The following KCNK2 variants were observed in gnomAD, a reference collection of about 807,000 sequenced individuals.
KCNK2 encodes potassium two pore domain channel subfamily K member 2, also known as potassium channel subfamily K member 2.
Under a neutral mutation model 40.5 loss-of-function variants are expected in KCNK2, and 21 were observed. The ratio of observed to expected loss-of-function variants is 0.52; its 90% CI spans 0.37 to 0.75. The LOEUF is 0.75. Among genes scored for constraint, KCNK2 ranks in the 30% least tolerant of loss-of-function variants. The pLI, the probability that KCNK2 is intolerant of heterozygous loss-of-function variation, is 0.00. For missense variants in KCNK2, 399 were observed against 531.6 expected (o/e 0.75, Z 2.45); for synonymous variants, 191 against 202.2 (o/e 0.94, Z 0.47).
rs139786521 is a variant in KCNK2, at chr1:215,051,615, T to G, written c.35-34753T>G. ...ACAAGAGGATGCTTGACCAGAAACC[T>G]GGAGGACATGAAAGAGTGAGTTCTG... On this transcript the variant is annotated intron_variant, in intron 1 of 6. Transcript: ENST00000391895. 3.1e-3 allele frequency among the ~76,000 whole-genome samples: 473 copies of G among 152,240 alleles called. 1 individual carries two copies. Among genetic ancestry groups the G allele is most frequent in the African/African-American group, 0.011 (446 of 41,538 alleles).
Position 215,083,217 on chromosome 1 carries a change from T to G in KCNK2, c.-169T>G, listed in dbSNP as rs1571891812. The G allele has an allele frequency of 1.7e-4, 94 of 556,280 alleles. No individual in the cohort carries two copies. Among genetic ancestry groups the G allele is most frequent in the Middle Eastern group, 5.7e-4 (1 of 1,748 alleles). The allele number at this position is 556,280 out of a possible 1,614,324, so 34.5% of individuals were successfully genotyped here. A position where few individuals can be genotyped will look rare whatever the true frequency, so the allele number is the denominator to read the frequency against. On this transcript the variant is annotated 5_prime_UTR_variant, in exon 1 of 7. Transcript: ENST00000444842. Reference sequence around the variant, plus strand: ...GCTCCCCCCCCCGCCCCCTCCCGCGTCCAGCCCCGCTCTCCCCACCTTGTA... The same window carrying G: ...GCTCCCCCCCCCGCCCCCTCCCGCGGCCAGCCCCGCTCTCCCCACCTTGTA...
chr1:215,081,403 G>A (rs1392170573), upstream of KCNK2, among the ~76,000 whole-genome samples: 1 of 152,076 alleles, frequency 6.6e-6, no homozygotes, highest in African/African-American at 2.4e-5. Context: ...TTTTAGAAAG[G>A]ACATCTGATT....
At chr1:215,087,619 T>C (rs1201547411) in intron 2 of KCNK2, among the ~76,000 whole-genome samples, 1 of 152,242 alleles carries the variant, frequency 6.6e-6, no homozygotes, top group Non-Finnish European at 1.5e-5. Context: ...TGTTTTCCTA[T>C]AGAGCCCACT....
intron 1 of KCNK2, among the ~76,000 whole-genome samples, chr1:215,067,871 A>T (rs1202614256): frequency 6.6e-6 from 1 of 152,120 alleles, no homozygotes; most frequent in Admixed American, 6.6e-5. Flanking sequence ...CATCTCAAAA[A>T]AAAATTACTT....
intron 2 of KCNK2, among the ~76,000 whole-genome samples, chr1:215,115,169 G>A (rs1660874504): frequency 6.6e-6 from 1 of 151,972 alleles, no homozygotes; most frequent in South Asian, 2.1e-4. Context: ...CCTTTCTGTG[G>A]AAACTTGAAT....
upstream of KCNK2, among the ~76,000 whole-genome samples, chr1:215,077,805 T>C (rs1026027478): frequency 6.6e-6 from 1 of 152,136 alleles, no homozygotes; most frequent in African/African-American, 2.4e-5. Context: ...TCATCTCATC[T>C]TCAGAATCTA....
intron 2 of KCNK2, among the ~76,000 whole-genome samples, chr1:215,088,227 T>C (rs1385983817): frequency 6.6e-6 from 1 of 152,192 alleles, no homozygotes; most frequent in Non-Finnish European, 1.5e-5. Context: ...CTCTTGGATA[T>C]CTTGGTGGAG....
chr1:215,179,569 C>A (rs1038443661), intron 5 of KCNK2, among the ~76,000 whole-genome samples: 2 of 151,818 alleles, frequency 1.3e-5, no homozygotes, highest in African/African-American at 4.8e-5. Flanking sequence ...TTTCTGTTTT[C>A]ATTTATCTCA....
intron 3 of KCNK2, among the ~76,000 whole-genome samples, chr1:215,128,444 C>T (rs922591230): frequency 2.0e-5 from 3 of 152,172 alleles, no homozygotes; most frequent in Non-Finnish European, 2.9e-5. Flanking sequence ...GAAGTAAGGA[C>T]GTAGTCCCTG....
At chr1:215,198,022 C>G (rs1199090576) in intron 6 of KCNK2, among the ~76,000 whole-genome samples, 1 of 151,778 alleles carries the variant, frequency 6.6e-6, no homozygotes, top group Non-Finnish European at 1.5e-5. Flanking sequence ...AACAAACAAG[C>G]AAACAAACAA....
At chr1:215,219,843 G>A (rs1666102459) in intron 6 of KCNK2, among the ~76,000 whole-genome samples, 2 of 152,080 alleles carry the variant, frequency 1.3e-5, no homozygotes, top group African/African-American at 4.8e-5. Flanking sequence ...TCTAAGGCTT[G>A]GCCACTGGGA....
At chr1:215,211,294 GCCTTTGCACTGACTGTTCCCT>G (rs1314114483) in intron 6 of KCNK2, among the ~76,000 whole-genome samples, 1 of 152,010 alleles carries the variant, frequency 6.6e-6, no homozygotes, top group Non-Finnish European at 1.5e-5. Context: ...TTGTCCTGCT[GCCTTTGCACTGACTGTTCCCT>G]CTGTCAGCAG....
rs547753358 is a variant in KCNK2, at chr1:215,009,760, A to T, written c.34+3805A>T. ...AGGCCCAACCAATCTGGCACAAAAAAAAGATATAGTATAATTGAGTACAGA... is the reference window on the plus strand; with the variant it reads ...AGGCCCAACCAATCTGGCACAAAAATAAGATATAGTATAATTGAGTACAGA... On this transcript the variant is annotated intron_variant, in intron 1 of 6. Transcript: ENST00000391895. 5.3e-5 allele frequency among the ~76,000 whole-genome samples: 8 copies of T among 152,262 alleles called. No homozygotes were observed. In the South Asian group the frequency reaches 1.7e-3, roughly 32 times the overall value.
chr1:215,225,908 T>A (rs1263777580), intron 6 of KCNK2, among the ~76,000 whole-genome samples: 1 of 152,196 alleles, frequency 6.6e-6, no homozygotes. Context: ...CTGGAGTCAA[T>A]GGAGTAATAA....
chr1:215,020,268 A>T (rs1232962152), intron 1 of KCNK2, among the ~76,000 whole-genome samples: 1 of 152,198 alleles, frequency 6.6e-6, no homozygotes, highest in East Asian at 1.9e-4. Context: ...AATAGTATTA[A>T]TAATCAAAGA....
intron 6 of KCNK2, among the ~76,000 whole-genome samples, chr1:215,218,859 T>G (rs1666059243): frequency 6.6e-6 from 1 of 152,214 alleles, no homozygotes; most frequent in Admixed American, 6.5e-5. Flanking sequence ...ATATTATACA[T>G]GTTTAAAATG....
chr1:215,105,328 C>T (rs145161405), intron 2 of KCNK2, among the ~76,000 whole-genome samples: 97 of 152,144 alleles, frequency 6.4e-4, no homozygotes, highest in Middle Eastern at 3.4e-3. Context: ...TGGGAACATA[C>T]GGTATTTGTC....
At chr1:215,218,751 A>C (rs1261889383) in intron 6 of KCNK2, among the ~76,000 whole-genome samples, 1 of 152,092 alleles carries the variant, frequency 6.6e-6, no homozygotes, top group Non-Finnish European at 1.5e-5. Flanking sequence ...TGATCTTCAA[A>C]TTTTGTAAAT....
intron 3 of KCNK2, among the ~76,000 whole-genome samples, chr1:215,133,678 A>T (rs1350584154): frequency 1.3e-5 from 2 of 150,116 alleles, no homozygotes; most frequent in African/African-American, 4.9e-5. Flanking sequence ...GAAAATTGGC[A>T]TTGTTATTTA....
Sources: gnomAD v4.1 joint callset for allele counts (sites outside exome capture counted in the v4.1 genomes callset) on GRCh38, gnomAD v4.1.1 for gene constraint, MANE v1.5 for transcripts, NCBI Gene and HGNC (gene_info 2026-07-23, HGNC 2026-07-21) for gene names.